AKT3: variants seen among roughly 807,000 people sequenced by gnomAD.
The protein encoded by AKT3 is RAC-gamma serine/threonine-protein kinase.
AKT3 carries 15 observed loss-of-function variants against 65.3 expected under a neutral mutation model. That is an observed-to-expected ratio of 0.23 (90% CI 0.15 to 0.35). The LOEUF (loss-of-function observed/expected upper bound fraction) is 0.35. Among genes scored for constraint, AKT3 ranks in the 10% least tolerant of loss-of-function variants. The probability of loss-of-function intolerance (pLI) is 1.00; values close to 1 mark genes in which losing one functional copy is unlikely to be tolerated. For synonymous variants in AKT3, 206 were observed against 183.8 expected (o/e 1.12, Z -0.98); for missense variants, 243 against 576.5 (o/e 0.42, Z 5.92).
In AKT3 at chr1:243,563,688, G is replaced by A. The variant is rs745768019; in HGVS notation, c.948+32C>T. 5.1e-6 allele frequency: 8 copies of A among 1,578,096 alleles called. No individual in the cohort carries two copies. In the South Asian group the frequency reaches 9.5e-5, roughly 19 times the overall value. On this transcript the variant is annotated intron_variant, in intron 10 of 13. Coordinates refer to ENST00000673466, the MANE Select transcript of AKT3 (RefSeq NM_005465.7). ...TTACTTTGCAAATCATTATGTCAAT[G>A]TTACTTTCCTATTAATGGAACCGAA...
intron 2 of AKT3, among the ~76,000 whole-genome samples, chr1:243,813,033 TGGGGGGA>T (rs1192960936): frequency 8.4e-5 from 2 of 23,750 alleles, no homozygotes; most frequent in Non-Finnish European, 1.6e-4. Flanking sequence ...TGTTGTGGGG[TGGGGGGA>T]GGGGGGAGGG....
intron 2 of AKT3, among the ~76,000 whole-genome samples, chr1:243,803,075 GAGTTCA>G (rs1692473881): frequency 6.6e-6 from 1 of 152,182 alleles, no homozygotes; most frequent in Non-Finnish European, 1.5e-5. Flanking sequence ...CTGAGCCCAG[GAGTTCA>G]AGGTTGCAGT....
intron 13 of AKT3, among the ~76,000 whole-genome samples, chr1:243,508,267 T>C (rs1449765160): frequency 2.0e-5 from 3 of 152,242 alleles, no homozygotes; most frequent in African/African-American, 7.2e-5. Flanking sequence ...CCCGTTGCCC[T>C]AGAAGAACCC....
intron 2 of AKT3, among the ~76,000 whole-genome samples, chr1:243,809,740 G>C (rs1693003104): frequency 6.6e-6 from 1 of 152,176 alleles, no homozygotes; most frequent in African/African-American, 2.4e-5. Flanking sequence ...ATTCTTCTCA[G>C]CACCACACTA....
At chr1:243,592,181 A>G (rs1676275308) in intron 8 of AKT3, among the ~76,000 whole-genome samples, 2 of 152,012 alleles carry the variant, frequency 1.3e-5, no homozygotes, top group South Asian at 4.1e-4. Context: ...TAAAAATACA[A>G]AAAATTAGCT....
At chr1:243,661,872 A>C (rs549940093) in intron 4 of AKT3, among the ~76,000 whole-genome samples, 6,650 of 149,916 alleles carry the variant, frequency 0.044, 127 homozygotes, top group African/African-American at 0.072. Flanking sequence ...AAAAACAAAC[A>C]ACCCCATCAA....
intron 2 of AKT3, among the ~76,000 whole-genome samples, chr1:243,789,282 A>C (rs1304271945): frequency 6.6e-6 from 1 of 152,214 alleles, no homozygotes; most frequent in African/African-American, 2.4e-5. Flanking sequence ...GCTACTTAGA[A>C]GGCTGAGAAG....
intron 3 of AKT3, among the ~76,000 whole-genome samples, chr1:243,692,031 A>G (rs1357157233): frequency 6.6e-6 from 1 of 152,214 alleles, no homozygotes; most frequent in Non-Finnish European, 1.5e-5. Context: ...GATCAACAGT[A>G]TAAAATGCAG....
chr1:243,768,831 C>CAA lies in AKT3; in HGVS notation c.47-73117_47-73116dup, dbSNP rs1360543117. 2.5e-3 allele frequency among the ~76,000 whole-genome samples: 194 copies of CAA among 78,100 alleles called. 3 individuals are homozygous for CAA. Among genetic ancestry groups the CAA allele is most frequent in the East Asian group, 6.3e-3 (21 of 3,342 alleles). The allele number at this position is 78,100 out of a possible 152,430, so 51.2% of individuals were successfully genotyped here. A position where few individuals can be genotyped will look rare whatever the true frequency, so the allele number is the denominator to read the frequency against. On this transcript the variant is annotated intron_variant, in intron 2 of 13. Transcript: ENST00000673466. ...GTCCGGGCAAGACAGTGATCCGCCACAAAAAAAAAAAAAAAAAGAGAGCGA... is the reference window on the plus strand; with the variant it reads ...GTCCGGGCAAGACAGTGATCCGCCACAAAAAAAAAAAAAAAAAAAGAGAGCGA...
chr1:243,522,366 A>G (rs914069953), intron 12 of AKT3, among the ~76,000 whole-genome samples: 1 of 152,222 alleles, frequency 6.6e-6, no homozygotes, highest in Non-Finnish European at 1.5e-5. Context: ...ATAAAAGCCT[A>G]TATATGTAAG....
At chr1:243,775,938 T>C (rs955287166) in intron 2 of AKT3, among the ~76,000 whole-genome samples, 12 of 152,224 alleles carry the variant, frequency 7.9e-5, no homozygotes, top group Admixed American at 2.6e-4. Flanking sequence ...GACTGCATTT[T>C]AAAGGCCACA....
intron 10 of AKT3, 91 bp from the exon 11 acceptor site, chr1:243,553,034 T>A: frequency 1.9e-6 from 2 of 1,059,682 alleles, no homozygotes; most frequent in African/African-American, 1.6e-5. Context: ...TAAAAATGAA[T>A]CTTAACTTTC....
At chr1:243,657,210 A>G (rs1050204734) in intron 4 of AKT3, among the ~76,000 whole-genome samples, 1 of 152,156 alleles carries the variant, frequency 6.6e-6, no homozygotes, top group Non-Finnish European at 1.5e-5. Flanking sequence ...GTGACAATAC[A>G]GGGGAAAGAC....
intron 3 of AKT3, among the ~76,000 whole-genome samples, chr1:243,695,120 T>A (rs1684978570): frequency 6.6e-6 from 1 of 151,920 alleles, no homozygotes; most frequent in African/African-American, 2.4e-5. Flanking sequence ...TTGTTAGATA[T>A]TTGTAAGGAA....
In AKT3 at chr1:243,512,430, T is replaced by A; in HGVS notation, c.1252-4A>T. 1 of 1,517,752 alleles carries A rather than the reference T, an allele frequency of 6.6e-7. No homozygotes were observed. Among genetic ancestry groups the A allele is most frequent in the Non-Finnish European group, 8.9e-7 (1 of 1,117,356 alleles). The allele number at this position is 1,517,752 out of a possible 1,614,324, so 94.0% of individuals were successfully genotyped here. A position where few individuals can be genotyped will look rare whatever the true frequency, so the allele number is the denominator to read the frequency against. On this transcript the variant is annotated splice_region_variant and splice_polypyrimidine_tract_variant and intron_variant, in intron 12 of 13. Coordinates refer to ENST00000673466, the MANE Select transcript of AKT3 (RefSeq NM_005465.7). ...GAGGTTTAAAAGGAGGTACAAGCTG[T>A]AAAAAGAAAGAAAAAGAGTTTTATT...
At chr1:243,510,120 G>A (rs1669926091) in intron 13 of AKT3, among the ~76,000 whole-genome samples, 1 of 152,128 alleles carries the variant, frequency 6.6e-6, no homozygotes, top group South Asian at 2.1e-4. Flanking sequence ...TTTAAGAATG[G>A]AAACTTTCTC....
At chr1:243,720,234 G>A (rs1686791592) in intron 2 of AKT3, among the ~76,000 whole-genome samples, 1 of 151,836 alleles carries the variant, frequency 6.6e-6, no homozygotes, top group Admixed American at 6.6e-5. Context: ...AGGAGGTGAG[G>A]GTGCAGTGAG....
At chr1:243,717,547 T>G (rs1686589318) in intron 2 of AKT3, among the ~76,000 whole-genome samples, 1 of 152,234 alleles carries the variant, frequency 6.6e-6, no homozygotes, top group Admixed American at 6.5e-5. Context: ...ATATTTGCTT[T>G]CATTCTCCTT....
intron 2 of AKT3, among the ~76,000 whole-genome samples, chr1:243,696,611 A>C (rs1375578329): frequency 6.6e-6 from 1 of 151,956 alleles, no homozygotes; most frequent in Non-Finnish European, 1.5e-5. Flanking sequence ...AAAGAAGTAC[A>C]AAAAAATTGC....
Sources: allele counts gnomAD v4.1 joint callset (sites outside exome capture counted in the v4.1 genomes callset), GRCh38; gene constraint gnomAD v4.1.1; transcripts MANE v1.5; gene names NCBI Gene and HGNC (gene_info 2026-07-23, HGNC 2026-07-21).